Variants in RANBP2 observed in about 807,000 individuals in gnomAD.
RANBP2 encodes E3 SUMO-protein ligase RanBP2.
Under a neutral mutation model 303.6 loss-of-function variants are expected in RANBP2, and 57 were observed. The observed-to-expected ratio is 0.19, with a 90% CI of 0.15 to 0.23. The LOEUF is 0.23. RANBP2 is among the 10% of genes least tolerant of loss of function. The pLI, the probability that RANBP2 is intolerant of heterozygous loss-of-function variation, is 1.00. For missense variants in RANBP2, 3,138 were observed against 3,780.8 expected (o/e 0.83, Z 4.46); for synonymous variants, 1,167 against 1,301.5 (o/e 0.90, Z 2.23).
At chr2:108,944,479 T>G in the RANBP2 span, among the ~76,000 whole-genome samples, 1 of 152,172 alleles carries the variant, frequency 6.6e-6, no homozygotes, top group Non-Finnish European at 1.5e-5. Flanking sequence ...ACAATGGCCA[T>G]GGAGCCAATG....
At chr2:108,928,495 C>T in the RANBP2 span, among the ~76,000 whole-genome samples, 9 of 152,204 alleles carry the variant, frequency 5.9e-5, no homozygotes, top group Admixed American at 5.2e-4. Context: ...CATCACCTCT[C>T]CCACCTGTAC....
the RANBP2 span, among the ~76,000 whole-genome samples, chr2:109,589,648 T>A: frequency 2.0e-5 from 3 of 152,180 alleles, no homozygotes; most frequent in Non-Finnish European, 4.4e-5. Flanking sequence ...GGAATGCTGA[T>A]AAATTTGCTA....
chr2:109,610,485 C>T, the RANBP2 span, among the ~76,000 whole-genome samples: 7 of 152,088 alleles, frequency 4.6e-5, no homozygotes, highest in Admixed American at 2.0e-4. Context: ...GAGACTGAGA[C>T]GGGTGGATCA....
chr2:108,831,527 A>C, the RANBP2 span, among the ~76,000 whole-genome samples: 4 of 152,218 alleles, frequency 2.6e-5, no homozygotes, highest in Non-Finnish European at 5.9e-5. Context: ...GAAAATATGA[A>C]ATGGCTAGGA....
chr2:108,781,189 G>C (rs975820251), intron 25 of RANBP2, 80 bp from the exon 26 acceptor site: 7 of 1,347,818 alleles, frequency 5.2e-6, no homozygotes, highest in Middle Eastern at 1.8e-4. Flanking sequence ...TCAGGAATTA[G>C]AGGGATTGAT....
the RANBP2 span, among the ~76,000 whole-genome samples, chr2:109,487,462 T>C: frequency 6.6e-6 from 1 of 152,252 alleles, no homozygotes; most frequent in Non-Finnish European, 1.5e-5. Flanking sequence ...AGCAGAATTC[T>C]GTCCTGGAAG....
intron 17 of RANBP2, among the ~76,000 whole-genome samples, chr2:108,756,683 C>T (rs966338443): frequency 2.3e-4 from 35 of 152,190 alleles, no homozygotes; most frequent in African/African-American, 8.2e-4. Flanking sequence ...AGCACTAATC[C>T]ATGAGCTTGA....
chr2:109,320,734 A>G, the RANBP2 span, among the ~76,000 whole-genome samples: 1 of 152,222 alleles, frequency 6.6e-6, no homozygotes, highest in Non-Finnish European at 1.5e-5. Flanking sequence ...CAGACAAGTA[A>G]ACAACGTCAG....
At chr2:109,445,275 A>G in the RANBP2 span, among the ~76,000 whole-genome samples, 2 of 152,240 alleles carry the variant, frequency 1.3e-5, no homozygotes, top group Non-Finnish European at 2.9e-5. Context: ...TCAAAGGAGT[A>G]GTCCCTGAGA....
chr2:108,841,977 C>T, the RANBP2 span, among the ~76,000 whole-genome samples: 4 of 151,790 alleles, frequency 2.6e-5, no homozygotes, highest in Non-Finnish European at 5.9e-5. Flanking sequence ...TGGAGAGTAC[C>T]CCTCCAATGA....
chr2:109,311,468 A>G, the RANBP2 span, among the ~76,000 whole-genome samples: 1 of 148,960 alleles, frequency 6.7e-6, no homozygotes, highest in Admixed American at 6.8e-5. Flanking sequence ...CTCCTATTCA[A>G]CATAGTGTTG....
the RANBP2 span, among the ~76,000 whole-genome samples, chr2:109,523,919 C>T: frequency 7.9e-5 from 12 of 152,124 alleles, no homozygotes; most frequent in Non-Finnish European, 1.5e-4. Flanking sequence ...TGGTTCCTAC[C>T]GAGCCAGTGT....
chr2:109,108,843 G>A, the RANBP2 span, among the ~76,000 whole-genome samples: 1 of 152,142 alleles, frequency 6.6e-6, no homozygotes. Context: ...GGCTTACAAA[G>A]CCCAAAGAAC....
chr2:108,895,210 G>A, the RANBP2 span: 2 of 152,762 alleles, frequency 1.3e-5, no homozygotes, highest in South Asian at 4.1e-4. Flanking sequence ...CTCACAGTAT[G>A]TACTACATTC....
At chr2:109,727,061 G>C in the RANBP2 span, among the ~76,000 whole-genome samples, 1 of 152,114 alleles carries the variant, frequency 6.6e-6, no homozygotes, top group East Asian at 1.9e-4. Context: ...GTACTGCCCT[G>C]GTGCTTCCTA....
At chr2:108,997,119 A>G in the RANBP2 span, among the ~76,000 whole-genome samples, 1 of 152,056 alleles carries the variant, frequency 6.6e-6, no homozygotes, top group Non-Finnish European at 1.5e-5. Flanking sequence ...TTTAAACAAA[A>G]CCTCTAGCCA....
At chr2:109,389,555 T>A in the RANBP2 span, among the ~76,000 whole-genome samples, 5 of 152,216 alleles carry the variant, frequency 3.3e-5, no homozygotes, top group African/African-American at 1.2e-4. Flanking sequence ...ATGGATCGTT[T>A]GAAAACCACT....
intron 3 of RANBP2, among the ~76,000 whole-genome samples, chr2:108,731,096 T>C (rs1302708467): frequency 6.6e-6 from 1 of 152,196 alleles, no homozygotes; most frequent in African/African-American, 2.4e-5. Flanking sequence ...TGTTCTTTTG[T>C]GTTTTTTGTA....
chr2:108,751,614 C>T lies in RANBP2; in HGVS notation c.1542C>T (p.Cys514=). The T allele has an allele frequency of 6.2e-7, 1 of 1,610,852 alleles. No homozygotes were observed. The highest frequency in any genetic ancestry group is 8.5e-7 in the Non-Finnish European group (1 of 1,179,160). The change falls in exon 11 of 29, where the codon TGC becomes TGT. Residue 514 remains cysteine (C), a synonymous_variant. Coordinates refer to ENST00000283195, the MANE Select transcript of RANBP2 (RefSeq NM_006267.5). The stretch of plus-strand genomic sequence containing the variant: ...ACCACAGCTCCTATCAGCCGTTATG[C>T]CTGCCCCTTCCTGTGTGTAAACAGC... ...NSHHSSYQPL[C]LPLPVCKQLC...
Sources: gnomAD v4.1 joint callset for allele counts (sites outside exome capture counted in the v4.1 genomes callset) on GRCh38, gnomAD v4.1.1 for gene constraint, MANE v1.5 for transcripts, NCBI Gene and HGNC (gene_info 2026-07-23, HGNC 2026-07-21) for gene names.